Variants in TSPAN9 observed in about 807,000 individuals in gnomAD.
TSPAN9 encodes tetraspanin 9, also known as tetraspanin-9.
A neutral mutation model predicts 31.0 loss-of-function variants in TSPAN9; 16 were observed. The observed-to-expected ratio is 0.52, with a 90% confidence interval of 0.35 to 0.78. TSPAN9 has a LOEUF of 0.78. Among genes scored for constraint, TSPAN9 ranks in the 30% least tolerant of loss-of-function variants. The pLI is 0.01. For missense variants in TSPAN9, 272 were observed against 312.5 expected (o/e 0.87, Z 0.98); for synonymous variants, 145 against 121.6 (o/e 1.19, Z -1.27).
chr12:3,102,435 A>ATTTTTT (rs33918863), intron 2 of TSPAN9, among the ~76,000 whole-genome samples: 7 of 135,270 alleles, frequency 5.2e-5, no homozygotes, highest in African/African-American at 2.0e-4. Flanking sequence ...CCAAGGAGGA[A>ATTTTTT]TTTTTTTTTT....
At chr12:3,096,114 G>A (rs1282181048) in intron 2 of TSPAN9, among the ~76,000 whole-genome samples, 4 of 152,164 alleles carry the variant, frequency 2.6e-5, no homozygotes, top group East Asian at 1.9e-4. Flanking sequence ...TCCTCCCGGC[G>A]GTCGGGCGGC....
At chr12:3,142,934 G>A (rs987253158) in intron 2 of TSPAN9, among the ~76,000 whole-genome samples, 4 of 152,214 alleles carry the variant, frequency 2.6e-5, no homozygotes, top group South Asian at 2.1e-4. Flanking sequence ...AGGCTCCTCC[G>A]TCCTGCGACA....
At chr12:3,133,813 G>A (rs1327390885) in intron 2 of TSPAN9, among the ~76,000 whole-genome samples, 7 of 152,178 alleles carry the variant, frequency 4.6e-5, no homozygotes, top group Non-Finnish European at 7.4e-5. Flanking sequence ...TGACGGGGAG[G>A]AGAGGAAATT....
intron 3 of TSPAN9, among the ~76,000 whole-genome samples, chr12:3,224,089 A>T (rs2098385930): frequency 6.6e-6 from 1 of 151,628 alleles, no homozygotes; most frequent in South Asian, 2.1e-4. Context: ...TAAAAAAAAA[A>T]ATTTTTTTTC....
At chr12:3,151,150 G>C (rs1436830140) in intron 2 of TSPAN9, 2 of 152,336 alleles carry the variant, frequency 1.3e-5, no homozygotes, top group Non-Finnish European at 2.9e-5. Flanking sequence ...CGCCTGCAGA[G>C]CATGTGTGTG....
intron 3 of TSPAN9, among the ~76,000 whole-genome samples, chr12:3,261,953 C>A (rs938241448): frequency 6.6e-6 from 1 of 152,186 alleles, no homozygotes; most frequent in Non-Finnish European, 1.5e-5. Context: ...CCGCTTTTTG[C>A]GGAAGGGGCA....
In TSPAN9 at chr12:3,143,980, AAGAAAT is replaced by A. The variant is rs1469607751; in HGVS notation, c.-17-57193_-17-57188del. ...CTAGGTCCTCTCAGAGAATAGAACT[AAGAAAT>A]AGATATATGTCAACCCAGGCATGGA... On this transcript the variant is annotated intron_variant, in intron 2 of 8. Coordinates refer to ENST00000011898, the MANE Select transcript of TSPAN9 (RefSeq NM_006675.5). This position sits in a 1 kb window ranked among gnomAD's most constrained non-coding sequence, Gnocchi z 4.2. Among the ~76,000 whole-genome samples, 2 of 152,230 alleles carry A rather than the reference AAGAAAT, an allele frequency of 1.3e-5. No individual in the cohort carries two copies. The highest frequency in any genetic ancestry group is 2.4e-5 in the African/African-American group (1 of 41,456).
chr12:3,089,358 G>A (rs1264509819), intron 2 of TSPAN9, among the ~76,000 whole-genome samples: 4 of 147,094 alleles, frequency 2.7e-5, no homozygotes, highest in Non-Finnish European at 6.0e-5. Context: ...GTGCAGTGGC[G>A]TGATCTTGGC....
chr12:3,264,544 C>T (rs1362976140), intron 3 of TSPAN9, among the ~76,000 whole-genome samples: 1 of 152,214 alleles, frequency 6.6e-6, no homozygotes, highest in Non-Finnish European at 1.5e-5. Flanking sequence ...GCAGACGCTG[C>T]TGCAGGCCTG....
At chr12:3,093,629 A>C (rs2098306122) in intron 2 of TSPAN9, among the ~76,000 whole-genome samples, 1 of 152,100 alleles carries the variant, frequency 6.6e-6, no homozygotes, top group African/African-American at 2.4e-5. Context: ...GCCTTAACAG[A>C]TATTTGTTGA....
At chr12:3,204,409 G>A (rs1382132907) in intron 3 of TSPAN9, among the ~76,000 whole-genome samples, 1 of 152,172 alleles carries the variant, frequency 6.6e-6, no homozygotes, top group Admixed American at 6.5e-5. Flanking sequence ...GTGAGGGCTG[G>A]GTGACATCAC....
rs2098337612 is a variant in TSPAN9 at position 3,147,086 on chromosome 12, G to C, written c.-17-54091G>C. 6.6e-6 allele frequency among the ~76,000 whole-genome samples: 1 copy of C among 151,906 alleles called. No homozygotes were observed. Among genetic ancestry groups the C allele is most frequent in the African/African-American group, 2.4e-5 (1 of 41,418 alleles). On this transcript the variant is annotated intron_variant, in intron 2 of 8. Coordinates refer to ENST00000011898, the MANE Select transcript of TSPAN9 (RefSeq NM_006675.5). The surrounding 1 kb of genome is among the most constrained non-coding windows in gnomAD (Gnocchi z 4.3). ...ATTTTAAGGTGTTTGATTAAAACTAGCATTCTCTCCCCTTTTCTCCTTACT... is the reference window on the plus strand; with the variant it reads ...ATTTTAAGGTGTTTGATTAAAACTACCATTCTCTCCCCTTTTCTCCTTACT...
intron 3 of TSPAN9, among the ~76,000 whole-genome samples, chr12:3,267,023 C>T (rs1473855654): frequency 6.6e-6 from 1 of 152,196 alleles, no homozygotes; most frequent in East Asian, 1.9e-4. Flanking sequence ...ATTGAAAGGG[C>T]CTCCGACCTG....
At chr12:3,144,099 A>AT (rs1197799716) in intron 2 of TSPAN9, among the ~76,000 whole-genome samples, 4 of 149,156 alleles carry the variant, frequency 2.7e-5, no homozygotes, top group Non-Finnish European at 5.9e-5. Flanking sequence ...TTATTTATTT[A>AT]TTTTTTATTT....
intron 2 of TSPAN9, among the ~76,000 whole-genome samples, chr12:3,165,729 G>A (rs1591656139): frequency 6.6e-6 from 1 of 152,280 alleles, no homozygotes; most frequent in East Asian, 1.9e-4. Context: ...GTGTCTTTGT[G>A]AGGCGCCCGT....
chr12:3,249,256 G>T (rs1862201158), intron 3 of TSPAN9, among the ~76,000 whole-genome samples: 1 of 152,120 alleles, frequency 6.6e-6, no homozygotes, highest in Admixed American at 6.5e-5. Context: ...CACCCCGCGG[G>T]TGGTCAGACC....
intron 3 of TSPAN9, among the ~76,000 whole-genome samples, chr12:3,227,457 G>A (rs899963787): frequency 5.9e-5 from 9 of 152,212 alleles, no homozygotes; most frequent in Non-Finnish European, 8.8e-5. Flanking sequence ...AAGGTCAGAC[G>A]CCTGAAGGGA....
At chr12:3,194,281 C>T (rs2098366006) in intron 2 of TSPAN9, among the ~76,000 whole-genome samples, 1 of 152,168 alleles carries the variant, frequency 6.6e-6, no homozygotes, top group African/African-American at 2.4e-5. Flanking sequence ...GAACAAAGGG[C>T]CAAGAAGGAG....
chr12:3,224,875 T>TG (rs2098386360), intron 3 of TSPAN9, among the ~76,000 whole-genome samples: 1 of 151,958 alleles, frequency 6.6e-6, no homozygotes, highest in South Asian at 2.1e-4. Context: ...GAGGGGCTTG[T>TG]GGGGGGCTGC....
Sources: gnomAD v4.1 joint callset for allele counts (sites outside exome capture counted in the v4.1 genomes callset) on GRCh38, gnomAD v4.1.1 for gene constraint, Gnocchi (gnomAD v3.1) non-coding constraint, MANE v1.5 for transcripts, NCBI Gene and HGNC (gene_info 2026-07-23, HGNC 2026-07-21) for gene names.